Variants in ZDHHC21 observed in about 807,000 individuals in gnomAD.
ZDHHC21 encodes the protein zDHHC palmitoyltransferase 21, also known as palmitoyltransferase ZDHHC21.
In ZDHHC21, 15 loss-of-function variants were observed where a neutral mutation model predicts 34.6. The ratio of observed to expected loss-of-function variants is 0.43; its 90% CI spans 0.29 to 0.67. The LOEUF is 0.67. ZDHHC21 is among the 30% of genes least tolerant of loss of function. The probability of loss-of-function intolerance (pLI) is 0.14; values close to 1 mark genes in which losing one functional copy is unlikely to be tolerated. For missense variants in ZDHHC21, 344 were observed against 327.7 expected, an observed-to-expected ratio of 1.05 and a Z score of -0.38; for synonymous variants, 142 against 101.8, an observed-to-expected ratio of 1.40 and a Z score of -2.38.
intron 7 of ZDHHC21, among the ~76,000 whole-genome samples, chr9:14,655,105 C>A (rs1831944650): frequency 6.6e-6 from 1 of 151,954 alleles, no homozygotes; most frequent in Non-Finnish European, 1.5e-5. Context: ...CAAAAGAAAT[C>A]ATAAAAACAG....
downstream of ZDHHC21, among the ~76,000 whole-genome samples, chr9:14,608,787 G>C (rs1823104087): frequency 6.6e-6 from 1 of 151,698 alleles, no homozygotes; most frequent in Admixed American, 6.6e-5. Context: ...TGCTCATATG[G>C]GTAATTGGTC....
the ZDHHC21 span, among the ~76,000 whole-genome samples, chr9:14,597,595 A>T: frequency 2.0e-5 from 3 of 152,138 alleles, no homozygotes; most frequent in Admixed American, 1.3e-4. Context: ...CAGAGGCCTG[A>T]GGACAGGTCT....
intron 2 of ZDHHC21, among the ~76,000 whole-genome samples, chr9:14,682,108 G>C (rs1456799513): frequency 6.6e-6 from 1 of 152,142 alleles, no homozygotes; most frequent in African/African-American, 2.4e-5. Flanking sequence ...AAAGACCACA[G>C]ATGCTAGGAA....
chr9:14,591,539 C>T, the ZDHHC21 span, among the ~76,000 whole-genome samples: 10 of 152,138 alleles, frequency 6.6e-5, no homozygotes, highest in East Asian at 1.9e-4. Flanking sequence ...AGACATGAGA[C>T]GAATAATAAT....
chr9:14,604,910 T>TTA, the ZDHHC21 span, among the ~76,000 whole-genome samples: 1 of 152,156 alleles, frequency 6.6e-6, no homozygotes, highest in Non-Finnish European at 1.5e-5. Flanking sequence ...CATTCTACTG[T>TTA]TTCTATAAGT....
At chr9:14,643,902 C>G (rs1829831285) in intron 7 of ZDHHC21, among the ~76,000 whole-genome samples, 1 of 152,286 alleles carries the variant, frequency 6.6e-6, no homozygotes, top group Middle Eastern at 3.4e-3. Flanking sequence ...GTTATTACGG[C>G]TTTGTAATAA....
chr9:14,612,561 A>C lies in ZDHHC21; in HGVS notation c.*6405T>G, dbSNP rs1409643202. 6 of 151,954 alleles carry C rather than the reference A, an allele frequency of 3.9e-5. No individual in the cohort carries two copies. The highest frequency in any genetic ancestry group is 7.4e-5 in the Non-Finnish European group (5 of 67,902). 9.4% of individuals were successfully genotyped at this position (151,954 alleles called of 1,614,324 possible). A position where few individuals can be genotyped will look rare whatever the true frequency, so the allele number is the denominator to read the frequency against. On this transcript the variant is annotated 3_prime_UTR_variant, in exon 10 of 10. Transcript: ENST00000380916. Reference sequence around the variant, plus strand: ...AACTACTAAGCAAAATTAGTTTTAAAAATCTTACTCTATGTAAAGTGAGTA... The same window carrying C: ...AACTACTAAGCAAAATTAGTTTTAACAATCTTACTCTATGTAAAGTGAGTA...
intron 7 of ZDHHC21, among the ~76,000 whole-genome samples, chr9:14,657,414 C>A (rs1024904937): frequency 5.3e-5 from 8 of 152,018 alleles, no homozygotes; most frequent in African/African-American, 1.9e-4. Context: ...AACAATGTGT[C>A]AAAACTTATG....
chr9:14,663,867 T>G (rs1410843013), intron 5 of ZDHHC21, among the ~76,000 whole-genome samples: 1 of 152,246 alleles, frequency 6.6e-6, no homozygotes, highest in African/African-American at 2.4e-5. Context: ...AAACTAGTAC[T>G]ATTTACCTCT....
At position 14,612,244 on chromosome 9, in the gene ZDHHC21, C is replaced by T. The variant is rs958808456; in HGVS notation, c.*6722G>A. ...TTTCCATTCAGAATTGACTGCAAAA[C>T]CATATATTGTATCTACATTCAAGGA... On this transcript the variant is annotated 3_prime_UTR_variant, in exon 10 of 10. Coordinates refer to ENST00000380916, the MANE Select transcript of ZDHHC21 (RefSeq NM_178566.6). 1 of 151,882 alleles carries T rather than the reference C, an allele frequency of 6.6e-6. No homozygotes were observed. The highest frequency in any genetic ancestry group is 2.4e-5 in the African/African-American group (1 of 41,394). The allele number at this position is 151,882 out of a possible 1,614,324, so 9.4% of individuals were successfully genotyped here.
chr9:14,653,635 G>A (rs184798768), intron 7 of ZDHHC21, among the ~76,000 whole-genome samples: 4 of 151,908 alleles, frequency 2.6e-5, no homozygotes, highest in South Asian at 2.1e-4. Flanking sequence ...AGTCCACCAT[G>A]AGTCTCATTC....
rs1186638941 is a variant in ZDHHC21 at position 14,616,151 on chromosome 9, T to C, written c.*2815A>G. The C allele has an allele frequency of 6.6e-6, 1 of 151,776 alleles. No individual in the cohort carries two copies. Among genetic ancestry groups the C allele is most frequent in the Admixed American group, 6.6e-5 (1 of 15,188 alleles). 9.4% of individuals were successfully genotyped at this position (151,776 alleles called of 1,614,324 possible). ...TAAACTAAATGTAGTTTTTTAGATA[T>C]TCATTAAAACACAGAAAATGCTTGG... On this transcript the variant is annotated 3_prime_UTR_variant, in exon 10 of 10. Coordinates refer to ENST00000380916, the MANE Select transcript of ZDHHC21 (RefSeq NM_178566.6).
At chr9:14,591,766 A>C in the ZDHHC21 span, among the ~76,000 whole-genome samples, 1 of 152,190 alleles carries the variant, frequency 6.6e-6, no homozygotes, top group Non-Finnish European at 1.5e-5. Flanking sequence ...AGTAAAAGTT[A>C]CTGATATAAA....
intron 2 of ZDHHC21, among the ~76,000 whole-genome samples, chr9:14,683,386 G>A (rs1404680405): frequency 6.6e-6 from 1 of 152,126 alleles, no homozygotes; most frequent in Non-Finnish European, 1.5e-5. Context: ...CAATCCCACA[G>A]AAATACAAAC....
At chr9:14,666,628 A>T (rs1834493397) in intron 5 of ZDHHC21, among the ~76,000 whole-genome samples, 1 of 109,534 alleles carries the variant, frequency 9.1e-6, no homozygotes, top group African/African-American at 3.1e-5. Flanking sequence ...ATGTAAAAGA[A>T]CAGAAATTAT....
chr9:14,687,564 G>A (rs985490333), intron 2 of ZDHHC21, among the ~76,000 whole-genome samples: 11 of 150,568 alleles, frequency 7.3e-5, no homozygotes, highest in East Asian at 1.9e-4. Flanking sequence ...CCAGCTACTC[G>A]GGAGGCTGAG....
At chr9:14,627,394 C>G (rs1250038015) in intron 8 of ZDHHC21, among the ~76,000 whole-genome samples, 1 of 152,116 alleles carries the variant, frequency 6.6e-6, no homozygotes. Context: ...ACATTTTCTT[C>G]TTAATTTGAA....
chr9:14,615,919 C>G lies in ZDHHC21; in HGVS notation c.*3047G>C, dbSNP rs1024560398. 113 of 151,664 alleles carry G rather than the reference C, an allele frequency of 7.5e-4. 1 individual carries two copies. Among genetic ancestry groups the G allele is most frequent in the African/African-American group, 2.7e-3 (110 of 41,466 alleles). The allele number at this position is 151,664 out of a possible 1,614,324, so 9.4% of individuals were successfully genotyped here. ...ACATATTACATCAGTAATCTTACTG[C>G]TCACAATTATTTTCTAATGCCCAAC... On this transcript the variant is annotated 3_prime_UTR_variant, in exon 10 of 10. Coordinates refer to ENST00000380916, the MANE Select transcript of ZDHHC21 (RefSeq NM_178566.6).
chr9:14,689,492 C>CT (rs961424346), intron 2 of ZDHHC21, among the ~76,000 whole-genome samples: 1 of 152,182 alleles, frequency 6.6e-6, no homozygotes, highest in African/African-American at 2.4e-5. Context: ...ACTCTGTAGA[C>CT]TAAGTCTTTA....
Sources: gnomAD v4.1 joint callset for allele counts (sites outside exome capture counted in the v4.1 genomes callset) on GRCh38, gnomAD v4.1.1 for gene constraint, MANE v1.5 for transcripts, NCBI Gene and HGNC (gene_info 2026-07-23, HGNC 2026-07-21) for gene names.